PRKAG1: variants seen among roughly 807,000 people sequenced by gnomAD.
PRKAG1 encodes protein kinase AMP-activated non-catalytic subunit gamma 1, also known as 5'-AMP-activated protein kinase subunit gamma-1.
PRKAG1 carries 27 observed loss-of-function variants against 48.2 expected under a neutral mutation model. The observed-to-expected ratio is 0.56, with a 90% CI of 0.41 to 0.77. The LOEUF (loss-of-function observed/expected upper bound fraction) is 0.77, where lower values mean the gene tolerates loss of function less well. Among genes scored for constraint, PRKAG1 ranks in the 30% least tolerant of loss-of-function variants. The pLI, the probability that PRKAG1 is intolerant of heterozygous loss-of-function variation, is 0.00. For missense variants in PRKAG1, 287 were observed against 398.3 expected (o/e 0.72, Z 2.38); for synonymous variants, 130 against 147.7 (o/e 0.88, Z 0.87).
intron 8 of PRKAG1, 108 bp from the exon 9 acceptor site, chr12:49,004,030 C>T (rs911076930): frequency 7.0e-7 from 1 of 1,438,804 alleles, no homozygotes; most frequent in Non-Finnish European, 9.2e-7. Context: ...CGGCTTATGC[C>T]TATAATCCCA....
intron 2 of PRKAG1, 44 bp downstream of exon 2, chr12:49,013,018 G>A (rs200246055): frequency 1.4e-5 from 22 of 1,541,824 alleles, no homozygotes; most frequent in Middle Eastern, 1.7e-4. Context: ...GTTAGGGTCA[G>A]GCTATTGTTT....
Position 49,018,724 on chromosome 12 carries a change from C to T in PRKAG1, c.9+8G>A, listed in dbSNP as rs980765417. The T allele has an allele frequency of 1.9e-6, 3 of 1,613,246 alleles. No individual in the cohort carries two copies. The highest frequency in any genetic ancestry group is 2.5e-6 in the Non-Finnish European group (3 of 1,180,026). On this transcript the variant is annotated splice_region_variant and intron_variant, in intron 1 of 11. Coordinates refer to ENST00000548065, the MANE Select transcript of PRKAG1 (RefSeq NM_002733.5). Reference sequence around the variant, plus strand: ...CAGCGCCCCCGACCGCCCTCCTGCACTCCTCACCGTCTCCATTGCAAGAGG... The same window carrying T: ...CAGCGCCCCCGACCGCCCTCCTGCATTCCTCACCGTCTCCATTGCAAGAGG...
At chr12:49,007,922 C>T (rs1349343662) in intron 2 of PRKAG1, among the ~76,000 whole-genome samples, 4 of 150,448 alleles carry the variant, frequency 2.7e-5, no homozygotes, top group Non-Finnish European at 4.4e-5. Flanking sequence ...TGCAGTGGCA[C>T]GATCTCAGGT....
rs918842701 is a variant in PRKAG1 at position 49,002,849 on chromosome 12, G to A, written c.*50C>T. On this transcript the variant is annotated 3_prime_UTR_variant, in exon 12 of 12. Coordinates refer to ENST00000548065, the MANE Select transcript of PRKAG1 (RefSeq NM_002733.5). ...TCTGATTCCCACAGAGCTTCCAGCA[G>A]GCAGTGAGTTGGGCATATCCCCTGG... 6 of 1,515,402 alleles carry A rather than the reference G, an allele frequency of 4.0e-6. No individual in the cohort carries two copies. In the African/African-American group the frequency reaches 5.5e-5, roughly 14 times the overall value. The allele number at this position is 1,515,402 out of a possible 1,614,324, so 93.9% of individuals were successfully genotyped here.
Position 49,005,687 on chromosome 12 carries a change from G to T in PRKAG1, c.168+56C>A. On this transcript the variant is annotated intron_variant, in intron 3 of 11. Coordinates refer to ENST00000548065, the MANE Select transcript of PRKAG1 (RefSeq NM_002733.5). This position sits in a 1 kb window ranked among gnomAD's most constrained non-coding sequence, Gnocchi z 4.1. Reference sequence around the variant, plus strand: ...TATTACCCTTAGGATGAGATAGGATGAGAGGTATTAAACCACAGGCTCCAA... The same window carrying T: ...TATTACCCTTAGGATGAGATAGGATTAGAGGTATTAAACCACAGGCTCCAA... 6.2e-7 allele frequency: 1 copy of T among 1,607,060 alleles called. No individual in the cohort carries two copies.
intron 2 of PRKAG1, among the ~76,000 whole-genome samples, chr12:49,008,929 G>A (rs578236537): frequency 2.6e-5 from 4 of 152,182 alleles, no homozygotes; most frequent in South Asian, 4.1e-4. Flanking sequence ...CTGAATATTC[G>A]ATGGGTCCTT....
Position 49,005,325 on chromosome 12 carries a change from C to T in PRKAG1, c.290G>A (p.Arg97His). Residue 97 changes from arginine to histidine, a missense_variant, in exon 5 of 12, where the codon CGC becomes CAC. Physicochemically the swap from Arg to His is conservative, Grantham distance 29 (BLOSUM62 0). Around this residue, in one of 2 missense-constraint regions of PRKAG1, gnomAD observed 224 missense variants for 344.3 expected, o/e 0.65. Coordinates refer to ENST00000548065, the MANE Select transcript of PRKAG1 (RefSeq NM_002733.5). This position sits in a 1 kb window ranked among gnomAD's most constrained non-coding sequence, Gnocchi z 4.1. ...TITDFINILHRYYKSALVQIY... is the reference protein window; with the variant it reads ...TITDFINILHHYYKSALVQIY... ...CCTTACCAAGGCTGATTTATAGTAGCGGTGCAGGATATTGATGAAATCAGT... is the reference window on the plus strand; with the variant it reads ...CCTTACCAAGGCTGATTTATAGTAGTGGTGCAGGATATTGATGAAATCAGT... 2.5e-6 allele frequency: 4 copies of T among 1,614,036 alleles called. No individual in the cohort carries two copies. Among genetic ancestry groups the T allele is most frequent in the Non-Finnish European group, 3.4e-6 (4 of 1,179,998 alleles).
chr12:49,009,798 A>G (rs1183813794), intron 2 of PRKAG1, among the ~76,000 whole-genome samples: 14 of 152,226 alleles, frequency 9.2e-5, no homozygotes, highest in Admixed American at 7.8e-4. Flanking sequence ...TTTTTAGTAC[A>G]GACAGGGTTT....
chr12:49,004,392 T>C, intron 8 of PRKAG1, 115 bp downstream of exon 8: 1 of 1,392,060 alleles, frequency 7.2e-7, no homozygotes, highest in Non-Finnish European at 9.9e-7. Flanking sequence ...TCACTTGAGC[T>C]CAGGAGTTTG....
chr12:49,014,779 T>G (rs560123848), intron 1 of PRKAG1, among the ~76,000 whole-genome samples: 10 of 152,252 alleles, frequency 6.6e-5, no homozygotes, highest in Non-Finnish European at 1.5e-4. Context: ...GTGCTTTGAC[T>G]AGACAAAACT....
At position 49,004,835 on chromosome 12, in the gene PRKAG1, G is replaced by GTGTGTC; in HGVS notation, c.410+128_410+129insGACACA. On this transcript the variant is annotated intron_variant, in intron 7 of 11. Transcript: ENST00000548065. ...AGACTGTGTGTGTGTGTGTGTGTGT[G>GTGTGTC]TGTGTGTGTGTGTGTGTGTGTGTGT... 19 of 982,426 alleles carry GTGTGTC rather than the reference G, an allele frequency of 1.9e-5. No individual in the cohort carries two copies. In the East Asian group the frequency reaches 4.6e-4, roughly 24 times the overall value. 60.9% of individuals were successfully genotyped at this position (982,426 alleles called of 1,614,324 possible). A position where few individuals can be genotyped will look rare whatever the true frequency, so the allele number is the denominator to read the frequency against.
intron 1 of PRKAG1, among the ~76,000 whole-genome samples, chr12:49,014,748 A>C (rs1565740978): frequency 6.6e-6 from 1 of 152,246 alleles, no homozygotes; most frequent in Non-Finnish European, 1.5e-5. Flanking sequence ...TTCCCTTCCC[A>C]AGATAGTCTG....
rs200994950 is a variant in PRKAG1 at position 49,003,918 on chromosome 12, G to C, written c.542C>G (p.Thr181Ser). 60 of 1,594,664 alleles carry C rather than the reference G, an allele frequency of 3.8e-5. No individual in the cohort carries two copies. The highest frequency in any genetic ancestry group is 4.8e-5 in the Non-Finnish European group (56 of 1,169,726). ...CATGAACTCTGGCTTGGGGAACTCA[G>C]TGATCTGAGGAAAGAACCATCAGCT... ...RILKFLKLFITEFPKPEFMSK... is the reference protein window; with the variant it reads ...RILKFLKLFISEFPKPEFMSK... The change falls in exon 9 of 12, where the codon ACT becomes AGT. Residue 181 changes from threonine to serine, a missense_variant. Thr to Ser is a moderately conservative substitution (Grantham distance 58). This residue lies in a region of PRKAG1 where 224 missense variants were observed against 344.3 expected (regional missense o/e 0.65). Coordinates refer to ENST00000548065, the MANE Select transcript of PRKAG1 (RefSeq NM_002733.5).
At chr12:49,012,252 G>A (rs1358822428) in intron 2 of PRKAG1, among the ~76,000 whole-genome samples, 1 of 152,158 alleles carries the variant, frequency 6.6e-6, no homozygotes, top group Non-Finnish European at 1.5e-5. Flanking sequence ...TAATGCAAAT[G>A]TACTCAGAAA....
At position 49,018,748 on chromosome 12, in the gene PRKAG1, G is replaced by A. The variant is rs370096933; in HGVS notation, c.-8C>T. The A allele has an allele frequency of 3.2e-5, 52 of 1,612,798 alleles. 2 individuals are homozygous for A. The highest frequency in any genetic ancestry group is 3.2e-4 in the South Asian group (29 of 91,028). On this transcript the variant is annotated 5_prime_UTR_variant, in exon 1 of 12. Coordinates refer to ENST00000548065, the MANE Select transcript of PRKAG1 (RefSeq NM_002733.5). ...ACTCCTCACCGTCTCCATTGCAAGA[G>A]GCGCCCGGCTTGGTTTCCTCGCTTT... is the stretch of plus-strand genomic sequence containing the variant.
Position 49,003,298 on chromosome 12 carries a change from G to T in PRKAG1, c.742-8C>A, listed in dbSNP as rs1254998148. On this transcript the variant is annotated splice_region_variant and splice_polypyrimidine_tract_variant and intron_variant, in intron 10 of 11. Transcript: ENST00000548065. The stretch of plus-strand genomic sequence containing the variant: ...CTTTTCTGCTGCCAGATTCTGGGGA[G>T]ACAGAGGAAGGAGCTTGCAGGGAAG... 1 of 1,613,832 alleles carries T rather than the reference G, an allele frequency of 6.2e-7. No homozygotes were observed. Among genetic ancestry groups the T allele is most frequent in the South Asian group, 1.1e-5 (1 of 90,978 alleles).
In PRKAG1 at chr12:49,005,097, T is replaced by C. The variant is rs1941481162; in HGVS notation, c.355+23A>G. The C allele has an allele frequency of 1.9e-6, 3 of 1,613,774 alleles. No homozygotes were observed. The East Asian group carries it at 6.7e-5, about 36-fold the overall frequency. On this transcript the variant is annotated intron_variant, in intron 6 of 11. Transcript: ENST00000548065. This position sits in a 1 kb window ranked among gnomAD's most constrained non-coding sequence, Gnocchi z 4.1. ...GAAACCCGCCATCCCTTTATCCTTT[T>C]ATAACCCCAATTCTCTACATACCTC...
chr12:49,005,904 C>G lies in PRKAG1; in HGVS notation c.59-52G>C. ...TTCCTTCCACATAAAAACTCCCAATCAAAAGAGACAGAAAACAAAATAGTG... is the reference window on the plus strand; with the variant it reads ...TTCCTTCCACATAAAAACTCCCAATGAAAAGAGACAGAAAACAAAATAGTG... On this transcript the variant is annotated intron_variant, in intron 2 of 11. Transcript: ENST00000548065. The surrounding 1 kb of genome is among the most constrained non-coding windows in gnomAD (Gnocchi z 4.1). The G allele has an allele frequency of 7.5e-7, 1 of 1,341,874 alleles. No individual in the cohort carries two copies. The highest frequency in any genetic ancestry group is 1.4e-5 in the South Asian group (1 of 71,984). The allele number at this position is 1,341,874 out of a possible 1,614,324, so 83.1% of individuals were successfully genotyped here. A position where few individuals can be genotyped will look rare whatever the true frequency, so the allele number is the denominator to read the frequency against.
At position 49,005,167 on chromosome 12, in the gene PRKAG1, T is replaced by C. The variant is rs767474721; in HGVS notation, c.310-2A>G. The C allele has an allele frequency of 6.2e-7, 1 of 1,614,116 alleles. No homozygotes were observed. The highest frequency in any genetic ancestry group is 2.2e-5 in the East Asian group (1 of 44,886). On this transcript the variant is annotated splice_acceptor_variant, in intron 5 of 11. Coordinates refer to ENST00000548065, the MANE Select transcript of PRKAG1 (RefSeq NM_002733.5). LOFTEE classifies it high-confidence loss of function. This position sits in a 1 kb window ranked among gnomAD's most constrained non-coding sequence, Gnocchi z 4.1. ...TTCTTCTAGCTCATAGATCTGTACCTGAAAGCAGAAGCAACAGAATTTGAG... is the reference window on the plus strand; with the variant it reads ...TTCTTCTAGCTCATAGATCTGTACCCGAAAGCAGAAGCAACAGAATTTGAG...
Sources: allele counts gnomAD v4.1 joint callset (sites outside exome capture counted in the v4.1 genomes callset), GRCh38; gene constraint gnomAD v4.1.1; regional missense constraint gnomAD v4.1.1; non-coding constraint Gnocchi (gnomAD v3.1); transcripts MANE v1.5; gene names NCBI Gene and HGNC (gene_info 2026-07-23, HGNC 2026-07-21).